TPCN2: variants seen among roughly 807,000 people sequenced by gnomAD.
The protein encoded by TPCN2 is two pore segment channel 2.
Under a neutral mutation model 111.4 loss-of-function variants are expected in TPCN2, and 92 were observed. That is an observed-to-expected ratio of 0.83 (90% CI 0.70 to 0.98). TPCN2 has a LOEUF of 0.98. TPCN2 is among the 50% of genes least tolerant of loss of function. The probability of loss-of-function intolerance (pLI) is 0.00; values close to 1 mark genes in which losing one functional copy is unlikely to be tolerated. For synonymous variants in TPCN2, 405 were observed against 414.5 expected (o/e 0.98, Z 0.28); for missense variants, 995 against 980.1 (o/e 1.02, Z -0.20).
intron 13 of TPCN2, among the ~76,000 whole-genome samples, chr11:69,077,156 C>T (rs1855815389): frequency 8.5e-6 from 1 of 117,280 alleles, no homozygotes. Context: ...CTGCCGTGTC[C>T]CTCCACCTGC....
chr11:69,056,328 T>G (rs1565080041), intron 4 of TPCN2, among the ~76,000 whole-genome samples: 4 of 152,272 alleles, frequency 2.6e-5, no homozygotes, highest in South Asian at 4.1e-4. Context: ...TGCTGGTGTG[T>G]GTGATTGCAG....
intron 22 of TPCN2, 97 bp downstream of exon 22, chr11:69,086,027 T>A: frequency 7.9e-7 from 1 of 1,261,454 alleles, no homozygotes; most frequent in Non-Finnish European, 1.1e-6. Context: ...GCCCGGAGCG[T>A]GGCTGGGACG....
chr11:69,056,254 G>A (rs368303356), intron 4 of TPCN2, among the ~76,000 whole-genome samples: 1 of 152,208 alleles, frequency 6.6e-6, no homozygotes, highest in Non-Finnish European at 1.5e-5. Context: ...GCCTCTGCCC[G>A]GCACTGCCCT....
intron 24 of TPCN2, 67 bp downstream of exon 24, chr11:69,087,273 A>T: frequency 1.2e-5 from 17 of 1,365,550 alleles, no homozygotes; most frequent in Non-Finnish European, 1.6e-5. Flanking sequence ...TGGGGGGTGG[A>T]GGGGTTGAGG....
chr11:69,071,082 A>G (rs1243725460), intron 9 of TPCN2, among the ~76,000 whole-genome samples: 5 of 37,228 alleles, frequency 1.3e-4, no homozygotes, highest in Admixed American at 3.3e-4. Context: ...GGGATCCCCC[A>G]TGCCACGGCT....
At chr11:69,054,649 T>C in intron 2 of TPCN2, 72 bp from the exon 3 acceptor site, 3 of 1,400,308 alleles carry the variant, frequency 2.1e-6, no homozygotes, top group Non-Finnish European at 2.0e-6. Context: ...GTCTCGTGTG[T>C]GGTGTGGGGC....
rs1855893933 is a variant in TPCN2, at chr11:69,078,787, C to T, written c.1404C>T (p.Ile468=). The T allele has an allele frequency of 3.1e-6, 5 of 1,614,072 alleles. No homozygotes were observed. In the East Asian group the frequency reaches 6.7e-5, roughly 22 times the overall value. The part of the protein sequence containing the change: ...DVLPAERDDF[I]LGILNCVFIV... The stretch of plus-strand genomic sequence containing the variant: ...TGCCTGCTGAGCGTGATGACTTCAT[C>T]CTGGGGGTAAGTTCTGAGCTGTCCA... The change falls in exon 15 of 25, where the codon ATC becomes ATT. Residue 468 remains isoleucine (I), a synonymous_variant. Coordinates refer to ENST00000294309, the MANE Select transcript of TPCN2 (RefSeq NM_139075.4).
At chr11:69,084,487 C>T (rs958493602) in intron 19 of TPCN2, among the ~76,000 whole-genome samples, 8 of 152,206 alleles carry the variant, frequency 5.3e-5, no homozygotes, top group African/African-American at 1.9e-4. Context: ...ACGCCCCGGC[C>T]CCTCCCTGGG....
At chr11:69,080,408 C>T (rs1034464850) in intron 17 of TPCN2, among the ~76,000 whole-genome samples, 2 of 152,248 alleles carry the variant, frequency 1.3e-5, no homozygotes, top group Admixed American at 1.3e-4. Flanking sequence ...TGCTGATTCA[C>T]CACTGCCCGG....
At chr11:69,079,935 C>G (rs1270251568) in intron 17 of TPCN2, 52 bp downstream of exon 17, 5 of 1,581,162 alleles carry the variant, frequency 3.2e-6, no homozygotes, top group Non-Finnish European at 4.3e-6. Flanking sequence ...CACCACCACC[C>G]AGCGCCCCTG....
rs1855603626 is a variant in TPCN2 at position 69,073,015 on chromosome 11, C to T, written c.1230+14C>T. On this transcript the variant is annotated intron_variant, in intron 13 of 24. Coordinates refer to ENST00000294309, the MANE Select transcript of TPCN2 (RefSeq NM_139075.4). ...GTGGTTAAAGAGGTAACTGGGGCCACAGCCGCCCAGGGTGGATAGTGGGGG... is the reference window on the plus strand; with the variant it reads ...GTGGTTAAAGAGGTAACTGGGGCCATAGCCGCCCAGGGTGGATAGTGGGGG... The T allele has an allele frequency of 6.2e-7, 1 of 1,607,026 alleles. No individual in the cohort carries two copies. Among genetic ancestry groups the T allele is most frequent in the Non-Finnish European group, 8.5e-7 (1 of 1,174,072 alleles).
intron 4 of TPCN2, among the ~76,000 whole-genome samples, chr11:69,055,611 C>G (rs1421974229): frequency 6.6e-6 from 1 of 151,816 alleles, no homozygotes; most frequent in Non-Finnish European, 1.5e-5. Context: ...CAAACTGAGG[C>G]CAGTGTGCCG....
Position 69,055,347 on chromosome 11 carries a change from G to T in TPCN2, c.424G>T (p.Val142Leu), listed in dbSNP as rs759083583. 4 of 1,607,226 alleles carry T rather than the reference G, an allele frequency of 2.5e-6. No individual in the cohort carries two copies. In the South Asian group the frequency reaches 4.4e-5, roughly 18 times the overall value. ...CLLVFAADLS[V>L]KGYLFGWAHF... is the part of the protein sequence containing the mutation. Reference sequence around the variant, plus strand: ...GCTGGTCTTTGCGGCCGACCTCTCTGTGAAGGTGAGGCGGGCGCCAGGCCC... The same window carrying T: ...GCTGGTCTTTGCGGCCGACCTCTCTTTGAAGGTGAGGCGGGCGCCAGGCCC... Residue 142 changes from valine (V) to leucine (L), a missense_variant, in exon 4 of 25, where the codon GTG becomes TTG. By Grantham distance (32) the Val-to-Leu change is conservative. Transcript: ENST00000294309.
chr11:69,054,168 G>A (rs1305762616), intron 2 of TPCN2, 71 bp downstream of exon 2: 4 of 1,338,758 alleles, frequency 3.0e-6, no homozygotes, highest in Non-Finnish European at 4.2e-6. Flanking sequence ...CCCCTCCAGG[G>A]GCGACTGACT....
chr11:69,086,978 T>C, intron 23 of TPCN2, 134 bp from the exon 24 acceptor site: 1 of 711,100 alleles, frequency 1.4e-6, no homozygotes, highest in South Asian at 1.7e-5. Flanking sequence ...GTGGGGCCTG[T>C]GCCTGGGTGT....
At chr11:69,083,735 G>A (rs942297313) in intron 18 of TPCN2, among the ~76,000 whole-genome samples, 2 of 152,180 alleles carry the variant, frequency 1.3e-5, no homozygotes, top group African/African-American at 2.4e-5. Context: ...GGGTGCGAGG[G>A]TGTGTATGGG....
At position 69,055,170 on chromosome 11, in the gene TPCN2, T is replaced by C. The variant is rs1393662559; in HGVS notation, c.252-5T>C. On this transcript the variant is annotated splice_polypyrimidine_tract_variant and splice_region_variant and intron_variant, in intron 3 of 24. Transcript: ENST00000294309. ...TGTGTTTTCATGTTTCTGTCCCCTT[T>C]CCAGGACTTTGAGCTTCACCATCTT... 5 of 1,613,714 alleles carry C rather than the reference T, an allele frequency of 3.1e-6. No homozygotes were observed. In the African/African-American group the frequency reaches 6.7e-5, roughly 22 times the overall value.
intron 5 of TPCN2, 74 bp downstream of exon 5, chr11:69,057,768 T>C (rs1391699270): frequency 2.1e-6 from 3 of 1,404,302 alleles, no homozygotes; most frequent in African/African-American, 2.8e-5. Flanking sequence ...ACGGGGGTGC[T>C]GGGATGGAGC....
intron 5 of TPCN2, among the ~76,000 whole-genome samples, chr11:69,060,532 T>G (rs1325337202): frequency 6.6e-6 from 1 of 152,140 alleles, no homozygotes; most frequent in African/African-American, 2.4e-5. Flanking sequence ...TTGGACGTGG[T>G]TTTTCCTCAA....
Sources: gnomAD v4.1 joint callset for allele counts (sites outside exome capture counted in the v4.1 genomes callset) on GRCh38, gnomAD v4.1.1 for gene constraint, MANE v1.5 for transcripts, NCBI Gene and HGNC (gene_info 2026-07-23, HGNC 2026-07-21) for gene names.